Variants in CUBN observed in about 807,000 individuals in gnomAD.
CUBN encodes cubilin.
A neutral mutation model predicts 405.3 loss-of-function variants in CUBN; 282 were observed. The observed-to-expected ratio is 0.70, with a 90% confidence interval of 0.63 to 0.77. The LOEUF is 0.77. Among genes scored for constraint, CUBN ranks in the 30% least tolerant of loss-of-function variants. The probability of loss-of-function intolerance (pLI) is 0.00; values close to 1 mark genes in which losing one functional copy is unlikely to be tolerated. For synonymous variants in CUBN, 1,684 were observed against 1,617.0 expected (o/e 1.04, Z -0.99); for missense variants, 4,514 against 4,475.2 (o/e 1.01, Z -0.25).
chr10:16,930,982 T>TGC (rs2131591117), intron 40 of CUBN, among the ~76,000 whole-genome samples: 1 of 151,952 alleles, frequency 6.6e-6, no homozygotes, highest in African/African-American at 2.4e-5. Flanking sequence ...ATAGGCCAGG[T>TGC]GTGGTGGCTC....
chr10:17,067,520 A>G (rs553238714), intron 21 of CUBN, among the ~76,000 whole-genome samples: 30 of 152,282 alleles, frequency 2.0e-4, no homozygotes, highest in Middle Eastern at 6.8e-3. Flanking sequence ...GTTGTAGAAC[A>G]ATTTCAAGTG....
intron 48 of CUBN, among the ~76,000 whole-genome samples, chr10:16,910,326 G>T (rs979209665): frequency 2.0e-5 from 3 of 151,914 alleles, no homozygotes; most frequent in Non-Finnish European, 4.4e-5. Context: ...ATCAAATAGA[G>T]TAGGGGCAAA....
intron 22 of CUBN, among the ~76,000 whole-genome samples, chr10:17,052,881 G>A (rs2131828649): frequency 6.6e-6 from 1 of 150,394 alleles, no homozygotes; most frequent in Admixed American, 6.6e-5. Context: ...AACTAAAACA[G>A]CACACAGAAG....
intron 60 of CUBN, among the ~76,000 whole-genome samples, chr10:16,848,055 A>C (rs1418937491): frequency 6.6e-5 from 10 of 152,242 alleles, no homozygotes; most frequent in Non-Finnish European, 1.2e-4. Flanking sequence ...CCAAGGGGGA[A>C]AACAAGAATA....
intron 40 of CUBN, among the ~76,000 whole-genome samples, chr10:16,931,744 A>G (rs1335750337): frequency 6.6e-6 from 1 of 152,196 alleles, no homozygotes; most frequent in African/African-American, 2.4e-5. Flanking sequence ...CCACTTTGTG[A>G]CCTGTGCAAA....
intron 19 of CUBN, among the ~76,000 whole-genome samples, chr10:17,069,238 A>G (rs1835682930): frequency 6.6e-6 from 1 of 152,198 alleles, no homozygotes. Flanking sequence ...AATTAAAAAT[A>G]ATGATTGCAT....
At chr10:16,897,122 A>G (rs1841206998) in intron 54 of CUBN, among the ~76,000 whole-genome samples, 1 of 152,182 alleles carries the variant, frequency 6.6e-6, no homozygotes, top group African/African-American at 2.4e-5. Flanking sequence ...TCCTTGTCAT[A>G]TATTTCAACA....
chr10:16,900,984 C>T, intron 52 of CUBN, 134 bp from the exon 53 acceptor site: 1 of 746,354 alleles, frequency 1.3e-6, no homozygotes, highest in Non-Finnish European at 2.2e-6. Flanking sequence ...TTCTCCCTTC[C>T]CCTCTACTTT....
At chr10:17,124,023 G>A (rs982099279) in intron 4 of CUBN, among the ~76,000 whole-genome samples, 4 of 152,294 alleles carry the variant, frequency 2.6e-5, no homozygotes, top group South Asian at 2.1e-4. Context: ...AAAGGTTTCA[G>A]GTGTGGAAAT....
chr10:17,059,421 T>C (rs1564498493), intron 22 of CUBN, among the ~76,000 whole-genome samples: 1 of 152,132 alleles, frequency 6.6e-6, no homozygotes, highest in Non-Finnish European at 1.5e-5. Flanking sequence ...CTCTAGATTA[T>C]GGGGAACTGC....
chr10:17,062,262 A>G (rs980769485), intron 22 of CUBN, among the ~76,000 whole-genome samples: 1 of 152,216 alleles, frequency 6.6e-6, no homozygotes, highest in Non-Finnish European at 1.5e-5. Flanking sequence ...ACTAGATGTT[A>G]CATAGGTTTT....
At chr10:16,995,482 T>A (rs971600520) in intron 28 of CUBN, among the ~76,000 whole-genome samples, 2 of 152,238 alleles carry the variant, frequency 1.3e-5, no homozygotes, top group Non-Finnish European at 2.9e-5. Flanking sequence ...ATGCTGTGTA[T>A]TCTATCTTTA....
chr10:17,123,873 A>C (rs1254992191), intron 4 of CUBN, among the ~76,000 whole-genome samples, 184 bp from the exon 5 acceptor site: 1 of 152,206 alleles, frequency 6.6e-6, no homozygotes, highest in South Asian at 2.1e-4. Flanking sequence ...AGCATTTTCT[A>C]TTATCAATCT....
At chr10:16,954,626 C>G in intron 31 of CUBN, 78 bp from the exon 32 acceptor site, 1 of 1,453,006 alleles carries the variant, frequency 6.9e-7, no homozygotes, top group East Asian at 2.4e-5. Context: ...TGTCTGCACG[C>G]CGATATACTA....
chr10:16,878,229 A>G (rs1472344876), intron 56 of CUBN, among the ~76,000 whole-genome samples: 4 of 152,310 alleles, frequency 2.6e-5, no homozygotes, highest in African/African-American at 9.6e-5. Flanking sequence ...CAGAAGTTAC[A>G]GTGAGCTGAG....
rs556432856 is a variant in CUBN at position 16,912,251 on chromosome 10, T to C, written c.7533+1560A>G. Among the ~76,000 whole-genome samples the C allele has an allele frequency of 3.0e-4, 45 of 152,356 alleles. No individual in the cohort carries two copies. In the South Asian group the frequency reaches 7.2e-3, roughly 25 times the overall value. On this transcript the variant is annotated intron_variant, in intron 48 of 66. Transcript: ENST00000377833. The stretch of plus-strand genomic sequence containing the variant: ...ACAAAGATATTTCATATTTTTGAAA[T>C]TCACTACCCAACAGGAGACGATTAA...
Position 16,888,177 on chromosome 10 carries a change from G to A in CUBN, c.8905+240C>T, listed in dbSNP as rs535843797. Among the ~76,000 whole-genome samples, 25 of 152,258 alleles carry A rather than the reference G, an allele frequency of 1.6e-4. No individual in the cohort carries two copies. The South Asian group carries it at 5.2e-3, about 32-fold the overall frequency. ...TCTACTGTACAACATGGTGCCAATA[G>A]CGAATAACAAGGTTGAATACCTGAA... On this transcript the variant is annotated intron_variant, in intron 56 of 66. Transcript: ENST00000377833.
intron 57 of CUBN, among the ~76,000 whole-genome samples, chr10:16,876,541 A>C (rs537550403): frequency 1.3e-5 from 2 of 152,222 alleles, no homozygotes; most frequent in African/African-American, 4.8e-5. Context: ...GTATTAGCAA[A>C]ATGACTTGGG....
chr10:16,865,048 A>G (rs1433658398), intron 59 of CUBN, among the ~76,000 whole-genome samples: 1 of 132,566 alleles, frequency 7.5e-6, no homozygotes, highest in African/African-American at 3.0e-5. Context: ...GGGTCACTGC[A>G]ACCTCTGCCT....
Sources: gnomAD v4.1 joint callset for allele counts (sites outside exome capture counted in the v4.1 genomes callset) on GRCh38, gnomAD v4.1.1 for gene constraint, MANE v1.5 for transcripts, NCBI Gene and HGNC (gene_info 2026-07-23, HGNC 2026-07-21) for gene names.